Variants in RECK observed in about 807,000 individuals in gnomAD.
RECK encodes reversion inducing cysteine rich protein with kazal motifs.
In RECK, 69 loss-of-function variants were observed where a neutral mutation model predicts 115.1. The ratio of observed to expected loss-of-function variants is 0.60; its 90% CI spans 0.49 to 0.73. The LOEUF (loss-of-function observed/expected upper bound fraction) is 0.73. Ranked by LOEUF, RECK falls within the 30% of genes least tolerant of loss-of-function variation. The pLI is 0.00. For missense variants in RECK, 1,047 were observed against 1,203.7 expected, an observed-to-expected ratio of 0.87 and a Z score of 1.93; for synonymous variants, 414 against 419.7, an observed-to-expected ratio of 0.99 and a Z score of 0.17.
intron 20 of RECK, among the ~76,000 whole-genome samples, chr9:36,121,951 G>A (rs1283192606): frequency 6.6e-6 from 1 of 152,192 alleles, no homozygotes; most frequent in East Asian, 1.9e-4. Flanking sequence ...CTGTGACTGG[G>A]AGTGTGCACA....
At position 36,108,052 on chromosome 9, in the gene RECK, AGTTG is replaced by A. The variant is rs1182917513; in HGVS notation, c.1658_1661del (p.Gly553ValfsTer13). 4 of 1,613,916 alleles carry A rather than the reference AGTTG, an allele frequency of 2.5e-6. No individual in the cohort carries two copies. The highest frequency in any genetic ancestry group is 3.4e-6 in the Non-Finnish European group (4 of 1,179,902). ...TCCAGGTGCCATCATCTGCAGGGGAAGTTGGTTGTTATAAAATCTGTTCATGTGG... is the reference window on the plus strand; with the variant it reads ...TCCAGGTGCCATCATCTGCAGGGGAAGTTGTTATAAAATCTGTTCATGTGG... On this transcript the variant is annotated frameshift_variant, in exon 14 of 21. Transcript: ENST00000377966. LOFTEE classifies it high-confidence loss of function.
intron 6 of RECK, among the ~76,000 whole-genome samples, chr9:36,074,725 A>G (rs1179614605): frequency 6.6e-6 from 1 of 152,156 alleles, no homozygotes; most frequent in Non-Finnish European, 1.5e-5. Flanking sequence ...AATGTCTTAC[A>G]CTCTTGGAAT....
At chr9:36,108,276 C>T (rs1275964051) in intron 14 of RECK, 112 bp downstream of exon 14, 18 of 735,062 alleles carry the variant, frequency 2.4e-5, no homozygotes, top group Non-Finnish European at 3.6e-5. Context: ...ATCAGATACT[C>T]CAGGGCAGTA....
intron 10 of RECK, 61 bp downstream of exon 10, chr9:36,091,404 A>G: frequency 1.7e-6 from 2 of 1,182,396 alleles, no homozygotes; most frequent in Non-Finnish European, 2.3e-6. Flanking sequence ...AATAAGTGAA[A>G]TACCACTTTA....
At chr9:36,114,253 C>T (rs970218275) in intron 16 of RECK, among the ~76,000 whole-genome samples, 5 of 152,152 alleles carry the variant, frequency 3.3e-5, no homozygotes, top group African/African-American at 1.2e-4. Flanking sequence ...TATATACATA[C>T]CCAGGAAGAA....
chr9:36,105,365 T>A (rs561550743), intron 13 of RECK, 82 bp downstream of exon 13: 28 of 1,375,790 alleles, frequency 2.0e-5, no homozygotes, highest in South Asian at 2.0e-4. Context: ...TTTTTTTCAA[T>A]CCTGCTCCTT....
At position 36,122,986 on chromosome 9, in the gene RECK, T is replaced by C; in HGVS notation, c.2857T>C (p.Ser953Pro). 6.2e-7 allele frequency: 1 copy of C among 1,614,064 alleles called. No individual in the cohort carries two copies. The highest frequency in any genetic ancestry group is 1.1e-5 in the South Asian group (1 of 91,074). Reference sequence around the variant, plus strand: ...TGTCAGGGCCAGGCCTTCTTGCCACTCCCTCCTCCTTCCCCTCAGCTTGGG... The same window carrying C: ...TGTCAGGGCCAGGCCTTCTTGCCACCCCCTCCTCCTTCCCCTCAGCTTGGG... ...AGVRARPSCH[S>P]LLLPLSLGLA... The change falls in exon 21 of 21, where the codon TCC becomes CCC. Residue 953 changes from serine (S) to proline (P), a missense_variant. Ser to Pro is a moderately conservative substitution (Grantham distance 74). Coordinates refer to ENST00000377966, the MANE Select transcript of RECK (RefSeq NM_021111.3).
intron 2 of RECK, among the ~76,000 whole-genome samples, chr9:36,053,900 T>C (rs1241595605): frequency 3.9e-5 from 6 of 152,196 alleles, no homozygotes; most frequent in Non-Finnish European, 8.8e-5. Flanking sequence ...TCCAAAAATA[T>C]TACTCCTATT....
At chr9:36,111,383 A>G (rs1824035780) in intron 15 of RECK, among the ~76,000 whole-genome samples, 2 of 152,186 alleles carry the variant, frequency 1.3e-5, no homozygotes, top group Admixed American at 1.3e-4. Context: ...GGAACCTACA[A>G]CCTTCACTCT....
At chr9:36,097,501 G>A (rs1461889639) in intron 10 of RECK, among the ~76,000 whole-genome samples, 1 of 152,064 alleles carries the variant, frequency 6.6e-6, no homozygotes, top group Non-Finnish European at 1.5e-5. Flanking sequence ...GTGTTAAAAT[G>A]GCTATTATCA....
At chr9:36,043,120 G>A (rs866414599) in intron 1 of RECK, among the ~76,000 whole-genome samples, 1 of 137,460 alleles carries the variant, frequency 7.3e-6, no homozygotes, top group Non-Finnish European at 1.5e-5. Flanking sequence ...CGCCTCCCGG[G>A]TTCACGCCAT....
In RECK at chr9:36,104,314, ATATATATATATATTTTTTTTTTTTTTTTT is replaced by A. The variant is rs764459649; in HGVS notation, c.1436-827_1436-799del. On this transcript the variant is annotated intron_variant, in intron 12 of 20. Coordinates refer to ENST00000377966, the MANE Select transcript of RECK (RefSeq NM_021111.3). ...TGTGTATATATATATATATATATAT[ATATATATATATATTTTTTTTTTTTTTTTT>A]TTTTTTTTTTTTTTTTTTTTGAGAT... Among the ~76,000 whole-genome samples, 188 of 58,856 alleles carry A rather than the reference ATATATATATATATTTTTTTTTTTTTTTTT, an allele frequency of 3.2e-3. 9 individuals are homozygous for A. Among genetic ancestry groups the A allele is most frequent in the South Asian group, 0.029 (42 of 1,444 alleles). The allele number at this position is 58,856 out of a possible 152,430, so 38.6% of individuals were successfully genotyped here.
chr9:36,097,972 A>C (rs1023811546), intron 10 of RECK, among the ~76,000 whole-genome samples: 1 of 152,212 alleles, frequency 6.6e-6, no homozygotes, highest in East Asian at 1.9e-4. Context: ...GAATCTAAAA[A>C]AATCAAACTC....
intron 15 of RECK, among the ~76,000 whole-genome samples, chr9:36,110,430 A>C (rs1473698866): frequency 2.6e-5 from 4 of 152,140 alleles, no homozygotes; most frequent in Non-Finnish European, 5.9e-5. Context: ...GCATGTTCTC[A>C]GTTTGTTTCT....
chr9:36,051,238 T>C (rs1238902045), intron 1 of RECK, among the ~76,000 whole-genome samples: 1 of 152,178 alleles, frequency 6.6e-6, no homozygotes, highest in Non-Finnish European at 1.5e-5. Flanking sequence ...GGAGTCCTCT[T>C]GAGACTTGTT....
chr9:36,088,881 C>T (rs908656930), intron 9 of RECK, among the ~76,000 whole-genome samples: 10 of 152,202 alleles, frequency 6.6e-5, no homozygotes, highest in Non-Finnish European at 1.2e-4. Flanking sequence ...TTTAGCGGGG[C>T]GTGGTGGCAC....
At position 36,120,834 on chromosome 9, in the gene RECK, A is replaced by G. The variant is rs1824433824; in HGVS notation, c.2538+98A>G. 3 of 874,498 alleles carry G rather than the reference A, an allele frequency of 3.4e-6. No homozygotes were observed. In the East Asian group the frequency reaches 7.6e-5, roughly 22 times the overall value. The allele number at this position is 874,498 out of a possible 1,614,324, so 54.2% of individuals were successfully genotyped here. On this transcript the variant is annotated intron_variant, in intron 19 of 20. Coordinates refer to ENST00000377966, the MANE Select transcript of RECK (RefSeq NM_021111.3). ...GTGTTGTCCTCATTCATAGATAAAG[A>G]AACTAATCTTCAGAAAAGCAACTTT...
chr9:36,048,331 C>T (rs887093004), intron 1 of RECK, among the ~76,000 whole-genome samples: 3 of 151,880 alleles, frequency 2.0e-5, no homozygotes, highest in Admixed American at 6.6e-5. Context: ...TGATGATTAT[C>T]GCTATAGCCA....
chr9:36,119,696 T>G (rs1325036258), intron 18 of RECK, among the ~76,000 whole-genome samples: 1 of 152,164 alleles, frequency 6.6e-6, no homozygotes, highest in Non-Finnish European at 1.5e-5. Context: ...CAAAGCCCTT[T>G]TCCTTCTGGA....
Sources: allele counts gnomAD v4.1 joint callset (sites outside exome capture counted in the v4.1 genomes callset), GRCh38; gene constraint gnomAD v4.1.1; transcripts MANE v1.5; gene names NCBI Gene and HGNC (gene_info 2026-07-23, HGNC 2026-07-21).